RORC: variants seen among roughly 807,000 people sequenced by gnomAD.
The protein encoded by RORC is RAR related orphan receptor C.
In RORC, 13 loss-of-function variants were observed where a neutral mutation model predicts 64.5. The observed-to-expected ratio is 0.20, with a 90% CI of 0.13 to 0.32. RORC has a LOEUF of 0.32. RORC is among the 10% of genes least tolerant of loss of function. The pLI, the probability that RORC is intolerant of heterozygous loss-of-function variation, is 1.00. For missense variants in RORC, 468 were observed against 669.5 expected (o/e 0.70, Z 3.32); for synonymous variants, 277 against 259.3 (o/e 1.07, Z -0.65).
At position 151,830,550 on chromosome 1, in the gene RORC, T is replaced by C. The variant is rs1260073713; in HGVS notation, c.41-1092A>G. On this transcript the variant is annotated intron_variant, in intron 1 of 10. Coordinates refer to ENST00000318247, the MANE Select transcript of RORC (RefSeq NM_005060.4). The surrounding 1 kb of genome is among the most constrained non-coding windows in gnomAD (Gnocchi z 4.0). ...CCCTTCAACCATGCCCTATACCCCC[T>C]ATAGCTTCCCTAACCTCTGACTCTA... Among the ~76,000 whole-genome samples the C allele has an allele frequency of 6.7e-6, 1 of 148,212 alleles. No individual in the cohort carries two copies. Among genetic ancestry groups the C allele is most frequent in the Non-Finnish European group, 1.5e-5 (1 of 67,912 alleles).
At chr1:151,825,884 G>C (rs751072296) in intron 2 of RORC, 1 of 1,610,016 alleles carries the variant, frequency 6.2e-7, no homozygotes, top group East Asian at 2.2e-5. Flanking sequence ...GAGGGGTGAC[G>C]ACAGGGTCCA....
chr1:151,815,142 C>T lies in RORC; in HGVS notation c.582G>A (p.Gly194=), dbSNP rs1301528696. The change falls in exon 5 of 11, where the codon GGG becomes GGA. Residue 194 remains glycine, a synonymous_variant. Coordinates refer to ENST00000318247, the MANE Select transcript of RORC (RefSeq NM_005060.4). The part of the protein sequence containing the change: ...PSYSNNLAKA[G]LNGASCHLEY... The stretch of plus-strand genomic sequence containing the variant: ...CAAGGTGGCATGAGGCCCCATTGAG[C>T]CCTGCCTTGGCCAAGTTGTTGGAAT... 3 of 1,614,056 alleles carry T rather than the reference C, an allele frequency of 1.9e-6. No homozygotes were observed. The highest frequency in any genetic ancestry group is 2.5e-6 in the Non-Finnish European group (3 of 1,179,956).
intron 9 of RORC, chr1:151,811,833 G>A (rs1373855785): frequency 6.5e-6 from 1 of 155,028 alleles, no homozygotes; most frequent in Non-Finnish European, 1.4e-5. Flanking sequence ...GCCTGCACCA[G>A]GGGGCTTGCA....
At chr1:151,817,815 TAC>T (rs1412063321) in intron 2 of RORC, among the ~76,000 whole-genome samples, 1 of 152,102 alleles carries the variant, frequency 6.6e-6, no homozygotes, top group African/African-American at 2.4e-5. Flanking sequence ...GGAGGTGCTA[TAC>T]AGAGACAGGG....
intron 10 of RORC, among the ~76,000 whole-genome samples, chr1:151,810,533 ATT>A (rs5777785): frequency 3.5e-5 from 5 of 142,020 alleles, no homozygotes; most frequent in African/African-American, 5.2e-5. Context: ...CTACAAGGAG[ATT>A]TTTTTTTTTT....
At chr1:151,827,033 G>C (rs990096782) in intron 2 of RORC, among the ~76,000 whole-genome samples, 21 of 152,316 alleles carry the variant, frequency 1.4e-4, no homozygotes, top group Admixed American at 1.1e-3. Flanking sequence ...CAGGAGAATC[G>C]CTTGAACCCG....
Position 151,830,452 on chromosome 1 carries a change from G to A in RORC, c.41-994C>T, listed in dbSNP as rs1435150677. On this transcript the variant is annotated intron_variant, in intron 1 of 10. Transcript: ENST00000318247. This position sits in a 1 kb window ranked among gnomAD's most constrained non-coding sequence, Gnocchi z 4.0. The stretch of plus-strand genomic sequence containing the variant: ...CCCTGGAAAGAGGATTCCCCTGCCA[G>A]ACCTTGGCCCATTTCCTACATCCAC... Among the ~76,000 whole-genome samples the A allele has an allele frequency of 6.6e-6, 1 of 152,030 alleles. No homozygotes were observed. Among genetic ancestry groups the A allele is most frequent in the African/African-American group, 2.4e-5 (1 of 41,368 alleles).
At chr1:151,814,737 T>A (rs1221153736) in intron 5 of RORC, 42 bp from the exon 6 acceptor site, 1 of 1,587,458 alleles carries the variant, frequency 6.3e-7, no homozygotes, top group Non-Finnish European at 8.6e-7. Flanking sequence ...CTCAGCCAGC[T>A]CCTACGCCTA....
In RORC at chr1:151,829,413, C is replaced by G. The variant is rs200230656; in HGVS notation, c.70+16G>C. ...TTATGCCCCAGCCATTTTCTTGCCC[C>G]GGACCCCCTACTCACAGGTGTGGGT... is the stretch of plus-strand genomic sequence containing the variant. On this transcript the variant is annotated intron_variant, in intron 2 of 10. Coordinates refer to ENST00000318247, the MANE Select transcript of RORC (RefSeq NM_005060.4). The G allele has an allele frequency of 2.6e-6, 4 of 1,537,170 alleles. No homozygotes were observed. In the East Asian group the frequency reaches 1.1e-4, roughly 41 times the overall value.
chr1:151,831,375 C>T (rs1335193212), intron 1 of RORC, among the ~76,000 whole-genome samples: 1 of 152,124 alleles, frequency 6.6e-6, no homozygotes, highest in African/African-American at 2.4e-5. Context: ...GGGGGGTAAG[C>T]CCACACCTGG....
At chr1:151,812,088 A>G (rs1025768599) in intron 9 of RORC, 2 of 152,158 alleles carry the variant, frequency 1.3e-5, no homozygotes, top group Admixed American at 1.3e-4. Flanking sequence ...GGATATCCAG[A>G]GTCTTCCTAT....
At chr1:151,816,588 T>A in intron 4 of RORC, 76 bp downstream of exon 4, 2 of 1,448,770 alleles carry the variant, frequency 1.4e-6, no homozygotes, top group South Asian at 2.7e-5. Context: ...AGGTTAAGCC[T>A]TGTCTAGCTC....
At chr1:151,821,877 AG>A (rs1310654990) in intron 2 of RORC, among the ~76,000 whole-genome samples, 1 of 151,938 alleles carries the variant, frequency 6.6e-6, no homozygotes, top group Non-Finnish European at 1.5e-5. Flanking sequence ...AGATCCCAAG[AG>A]ATATTATTCC....
At chr1:151,811,539 C>T in intron 9 of RORC, 105 bp from the exon 10 acceptor site, 4 of 662,128 alleles carry the variant, frequency 6.0e-6, no homozygotes, top group African/African-American at 1.8e-5. Flanking sequence ...TAGAGGTCTT[C>T]TAAGCTGAGC....
At chr1:151,809,710 A>G (rs1651446495) in intron 10 of RORC, among the ~76,000 whole-genome samples, 1 of 152,202 alleles carries the variant, frequency 6.6e-6, no homozygotes, top group African/African-American at 2.4e-5. Context: ...TCCATCCTGT[A>G]GCAGATTAAA....
intron 10 of RORC, 72 bp downstream of exon 10, chr1:151,811,253 G>A (rs1651512847): frequency 1.1e-5 from 10 of 951,864 alleles, no homozygotes; most frequent in Admixed American, 1.9e-5. Flanking sequence ...CACAGACCCC[G>A]GCCCTCGCAA....
At chr1:151,825,685 T>C (rs1001825516) in intron 2 of RORC, among the ~76,000 whole-genome samples, 3 of 152,170 alleles carry the variant, frequency 2.0e-5, no homozygotes, top group African/African-American at 7.2e-5. Flanking sequence ...TCAGATACTT[T>C]TGGAGGTTCT....
Position 151,829,414 on chromosome 1 carries a change from G to A in RORC, c.70+15C>T, listed in dbSNP as rs201028336. On this transcript the variant is annotated intron_variant, in intron 2 of 10. Transcript: ENST00000318247. ...TATGCCCCAGCCATTTTCTTGCCCC[G>A]GACCCCCTACTCACAGGTGTGGGTC... The A allele has an allele frequency of 4.0e-5, 61 of 1,535,230 alleles. No individual in the cohort carries two copies. In the South Asian group the frequency reaches 4.8e-4, roughly 12 times the overall value.
intron 3 of RORC, 49 bp downstream of exon 3, chr1:151,817,132 GCGCGCGCGCGCGCT>G: frequency 1.0e-4 from 50 of 486,610 alleles, no homozygotes; most frequent in Non-Finnish European, 1.4e-4. Flanking sequence ...GTGTGTGTGT[GCGCGCGCGCGCGCT>G]TGTGTATGCA....
Sources: gnomAD v4.1 joint callset for allele counts (sites outside exome capture counted in the v4.1 genomes callset) on GRCh38, gnomAD v4.1.1 for gene constraint, Gnocchi (gnomAD v3.1) non-coding constraint, MANE v1.5 for transcripts, NCBI Gene and HGNC (gene_info 2026-07-23, HGNC 2026-07-21) for gene names.